The following OXCT1 variants were observed in gnomAD, a reference collection of about 807,000 sequenced individuals.
The protein encoded by OXCT1 is succinyl-CoA:3-ketoacid coenzyme A transferase 1, mitochondrial.
Under a neutral mutation model 69.6 loss-of-function variants are expected in OXCT1, and 27 were observed. The observed-to-expected ratio is 0.39, with a 90% CI of 0.29 to 0.54. OXCT1 has a LOEUF of 0.54. Among genes scored for constraint, OXCT1 ranks in the 20% least tolerant of loss-of-function variants. The pLI is 0.72. For missense variants in OXCT1, 437 were observed against 650.2 expected (o/e 0.67, Z 3.57); for synonymous variants, 202 against 217.8 (o/e 0.93, Z 0.64).
chr5:41,837,359 T>G (rs1748416593), intron 7 of OXCT1, among the ~76,000 whole-genome samples: 1 of 151,956 alleles, frequency 6.6e-6, no homozygotes, highest in East Asian at 1.9e-4. Flanking sequence ...CACACTGTTA[T>G]GCCTCCCACT....
intron 15 of OXCT1, among the ~76,000 whole-genome samples, chr5:41,744,764 G>A (rs991163696): frequency 6.6e-6 from 1 of 151,984 alleles, no homozygotes; most frequent in Non-Finnish European, 1.5e-5. Context: ...AAAGGCAGGG[G>A]TTGCAATCCT....
At chr5:41,850,319 T>A in intron 4 of OXCT1, 140 bp from the exon 5 acceptor site, 1 of 896,970 alleles carries the variant, frequency 1.1e-6, no homozygotes, top group East Asian at 2.6e-5. Flanking sequence ...CATACTTCAC[T>A]AATATTGTAT....
chr5:41,804,808 A>G (rs1746595389), intron 9 of OXCT1, among the ~76,000 whole-genome samples: 1 of 152,076 alleles, frequency 6.6e-6, no homozygotes, highest in Non-Finnish European at 1.5e-5. Context: ...GAATGGAGAC[A>G]TTTGTCATGT....
intron 7 of OXCT1, among the ~76,000 whole-genome samples, chr5:41,810,700 C>A (rs1375227801): frequency 4.6e-5 from 7 of 151,946 alleles, no homozygotes. Context: ...AGAATTCATC[C>A]CTTGGTGACA....
At position 41,858,158 on chromosome 5, in the gene OXCT1, C is replaced by T. The variant is rs151071314; in HGVS notation, c.278+3156G>A. ...CATAGCAATCAAGCAGTGCATAAGA[C>T]GCTAGCCCCAGGTGCACTACCTGAC... is the stretch of plus-strand genomic sequence containing the variant. On this transcript the variant is annotated intron_variant, in intron 3 of 16. Coordinates refer to ENST00000196371, the MANE Select transcript of OXCT1 (RefSeq NM_000436.4). 7.4e-4 allele frequency among the ~76,000 whole-genome samples: 112 copies of T among 152,258 alleles called. 1 individual carries two copies. Among genetic ancestry groups the T allele is most frequent in the African/African-American group, 2.6e-3 (106 of 41,564 alleles).
intron 16 of OXCT1, among the ~76,000 whole-genome samples, chr5:41,738,810 T>C (rs1743015973): frequency 6.6e-6 from 1 of 152,220 alleles, no homozygotes; most frequent in Non-Finnish European, 1.5e-5. Flanking sequence ...GGAGGTTTCT[T>C]AAACGGATAC....
chr5:41,805,495 G>T (rs530646957), intron 9 of OXCT1, 72 bp downstream of exon 9: 1 of 963,100 alleles, frequency 1.0e-6, no homozygotes. Flanking sequence ...TATGCAAGAG[G>T]TCTAATAGCC....
At chr5:41,846,098 CTTTA>C (rs1311579932) in intron 5 of OXCT1, among the ~76,000 whole-genome samples, 5 of 151,674 alleles carry the variant, frequency 3.3e-5, no homozygotes, top group African/African-American at 4.8e-5. Context: ...GAAGTCTTCT[CTTTA>C]TTTATTTATG....
intron 13 of OXCT1, among the ~76,000 whole-genome samples, chr5:41,782,988 A>C (rs928435140): frequency 6.6e-6 from 1 of 152,234 alleles, no homozygotes; most frequent in Non-Finnish European, 1.5e-5. Context: ...TATATCCTTA[A>C]TTCCTTACTG....
chr5:41,844,707 C>A (rs1748807942), intron 5 of OXCT1, among the ~76,000 whole-genome samples: 2 of 152,152 alleles, frequency 1.3e-5, no homozygotes, highest in South Asian at 4.1e-4. Flanking sequence ...CCAAACAGAG[C>A]TCTTTGATAA....
chr5:41,848,332 A>G (rs906294495), intron 5 of OXCT1, among the ~76,000 whole-genome samples: 5 of 149,302 alleles, frequency 3.3e-5, no homozygotes, highest in Non-Finnish European at 6.0e-5. Context: ...AGGAAGAATC[A>G]ATATCGTGAA....
intron 1 of OXCT1, among the ~76,000 whole-genome samples, chr5:41,866,889 G>C (rs905997291): frequency 1.5e-4 from 23 of 152,176 alleles, no homozygotes; most frequent in African/African-American, 5.3e-4. Context: ...TTAAATACTT[G>C]TCAGGACAGT....
At chr5:41,843,941 A>G (rs922149768) in intron 5 of OXCT1, among the ~76,000 whole-genome samples, 2 of 152,246 alleles carry the variant, frequency 1.3e-5, no homozygotes, top group Non-Finnish European at 2.9e-5. Flanking sequence ...TCTGAGCCAC[A>G]TATCAATATA....
intron 7 of OXCT1, among the ~76,000 whole-genome samples, 171 bp downstream of exon 7, chr5:41,840,280 C>A (rs1176964111): frequency 6.6e-6 from 1 of 151,700 alleles, no homozygotes; most frequent in African/African-American, 2.4e-5. Context: ...GCTGAAGTTA[C>A]AGCAAAATTT....
At chr5:41,804,752 G>C (rs1579772528) in intron 9 of OXCT1, among the ~76,000 whole-genome samples, 1 of 152,094 alleles carries the variant, frequency 6.6e-6, no homozygotes, top group Non-Finnish European at 1.5e-5. Context: ...TCCCAGTCAA[G>C]ATCACAGTCT....
At chr5:41,854,010 G>C (rs965246878) in intron 3 of OXCT1, among the ~76,000 whole-genome samples, 2 of 152,178 alleles carry the variant, frequency 1.3e-5, no homozygotes, top group Admixed American at 6.5e-5. Context: ...GATTTGGATG[G>C]AGAAGCTCTT....
chr5:41,796,613 C>A (rs1746195808), intron 11 of OXCT1, among the ~76,000 whole-genome samples: 1 of 152,074 alleles, frequency 6.6e-6, no homozygotes, highest in Non-Finnish European at 1.5e-5. Context: ...TATATAAATA[C>A]TTCATCTTGA....
chr5:41,738,176 G>A (rs1742985242), intron 16 of OXCT1, among the ~76,000 whole-genome samples: 1 of 152,206 alleles, frequency 6.6e-6, no homozygotes, highest in Non-Finnish European at 1.5e-5. Flanking sequence ...TCTCCAAGAT[G>A]TGTAGCTGTA....
intron 7 of OXCT1, among the ~76,000 whole-genome samples, chr5:41,810,275 A>G (rs1746903230): frequency 6.6e-6 from 1 of 152,070 alleles, no homozygotes; most frequent in African/African-American, 2.4e-5. Flanking sequence ...GACTAAAATG[A>G]GCTGGTTAGG....
Sources: allele counts gnomAD v4.1 joint callset (sites outside exome capture counted in the v4.1 genomes callset), GRCh38; gene constraint gnomAD v4.1.1; transcripts MANE v1.5; gene names NCBI Gene and HGNC (gene_info 2026-07-23, HGNC 2026-07-21).